AOPEP: variants seen among roughly 807,000 people sequenced by gnomAD.
The protein encoded by AOPEP is aminopeptidase O (putative), also known as aminopeptidase O.
Under a neutral mutation model 98.1 loss-of-function variants are expected in AOPEP, and 77 were observed. The observed-to-expected ratio is 0.78, with a 90% CI of 0.65 to 0.95. The LOEUF is 0.95. Ranked by LOEUF, AOPEP falls within the 40% of genes least tolerant of loss-of-function variation. AOPEP has a pLI of 0.00. For synonymous variants in AOPEP, 346 were observed against 365.3 expected (o/e 0.95, Z 0.60); for missense variants, 1,024 against 1,024.7 (o/e 1.00, Z 0.01).
intron 5 of AOPEP, among the ~76,000 whole-genome samples, chr9:94,834,004 G>T (rs1176697632): frequency 1.3e-5 from 2 of 152,076 alleles, no homozygotes; most frequent in Non-Finnish European, 2.9e-5. Context: ...TGCCCAGGTT[G>T]CCCAAGTTAC....
At chr9:95,101,911 T>C in the AOPEP span, 2 of 1,601,148 alleles carry the variant, frequency 1.2e-6, no homozygotes, top group Non-Finnish European at 1.7e-6. Context: ...TTGTCCTTTG[T>C]CCAGGGACGG....
intron 13 of AOPEP, among the ~76,000 whole-genome samples, chr9:95,052,670 C>T (rs1344150752): frequency 1.3e-5 from 2 of 152,128 alleles, no homozygotes; most frequent in African/African-American, 2.4e-5. Flanking sequence ...AATAATCCTA[C>T]ACAGACCATC....
chr9:95,076,868 T>G (rs2069129681), intron 14 of AOPEP, among the ~76,000 whole-genome samples: 1 of 152,252 alleles, frequency 6.6e-6, no homozygotes, highest in African/African-American at 2.4e-5. Context: ...TCCATTTGAT[T>G]GGGTCTAAAA....
the AOPEP span, among the ~76,000 whole-genome samples, chr9:95,133,621 G>A: frequency 6.6e-6 from 1 of 152,230 alleles, no homozygotes; most frequent in South Asian, 2.1e-4. Flanking sequence ...AAGGTTCAGG[G>A]AAGAATCCAA....
rs1202717942 is a variant in AOPEP, at chr9:95,021,415, C to T, written c.2115+15799C>T. Reference sequence around the variant, plus strand: ...AAATGAAAGGCTCTGGGAAAAGGCACCTGCCTTTCCCTGCCTTGAGGATCC... The same window carrying T: ...AAATGAAAGGCTCTGGGAAAAGGCATCTGCCTTTCCCTGCCTTGAGGATCC... On this transcript the variant is annotated intron_variant, in intron 13 of 16. Transcript: ENST00000375315. 4.6e-5 allele frequency among the ~76,000 whole-genome samples: 7 copies of T among 152,322 alleles called. No individual in the cohort carries two copies. The East Asian group carries it at 1.2e-3, about 25-fold the overall frequency.
At position 95,005,921 on chromosome 9, in the gene AOPEP, G is replaced by T. The variant is rs1485467395; in HGVS notation, c.2115+305G>T. 7 of 529,548 alleles carry T rather than the reference G, an allele frequency of 1.3e-5. No homozygotes were observed. The Admixed American group carries it at 1.9e-4, about 15-fold the overall frequency. The allele number at this position is 529,548 out of a possible 1,614,324, so 32.8% of individuals were successfully genotyped here. ...CAGTGTTTATTATCTCAGTGTTAAGGTACCTCTGAAAAATGAAAAGTGTTC... is the reference window on the plus strand; with the variant it reads ...CAGTGTTTATTATCTCAGTGTTAAGTTACCTCTGAAAAATGAAAAGTGTTC... On this transcript the variant is annotated intron_variant, in intron 13 of 16. Coordinates refer to ENST00000375315, the MANE Select transcript of AOPEP (RefSeq NM_001193329.3).
At chr9:94,966,411 G>A (rs756106288) in intron 9 of AOPEP, among the ~76,000 whole-genome samples, 12 of 152,220 alleles carry the variant, frequency 7.9e-5, no homozygotes, top group Non-Finnish European at 1.6e-4. Flanking sequence ...GTCTTGTGTG[G>A]AGTCTGTATT....
At chr9:95,094,588 C>CT in the AOPEP span, among the ~76,000 whole-genome samples, 1 of 152,188 alleles carries the variant, frequency 6.6e-6, no homozygotes, top group East Asian at 1.9e-4. Context: ...AATCTTTGTC[C>CT]TTTTATGTCT....
chr9:95,137,911 G>A, the AOPEP span, among the ~76,000 whole-genome samples: 1 of 152,268 alleles, frequency 6.6e-6, no homozygotes, highest in Non-Finnish European at 1.5e-5. Context: ...GAGAGGAGAG[G>A]AGTGGAGGTG....
At chr9:94,807,834 T>C (rs1849568245) in intron 5 of AOPEP, among the ~76,000 whole-genome samples, 2 of 152,214 alleles carry the variant, frequency 1.3e-5, no homozygotes, top group Non-Finnish European at 2.9e-5. Flanking sequence ...TAGATTTCTT[T>C]TAGGGAAAAC....
Position 94,841,194 on chromosome 9 carries a change from C to T in AOPEP, c.1364+40192C>T, listed in dbSNP as rs1199460699. Among the ~76,000 whole-genome samples, 14 of 139,518 alleles carry T rather than the reference C, an allele frequency of 1.0e-4. No homozygotes were observed. In the South Asian group the frequency reaches 1.1e-3, roughly 11 times the overall value. The allele number at this position is 139,518 out of a possible 152,430, so 91.5% of individuals were successfully genotyped here. On this transcript the variant is annotated intron_variant, in intron 5 of 16. Transcript: ENST00000375315. The stretch of plus-strand genomic sequence containing the variant: ...ATTTTTTTTTTTTTTTTTTTTGAGA[C>T]GGAGTCTCACTCTGTCGCCCAGGCT...
the AOPEP span, chr9:95,107,178 C>T: frequency 6.2e-7 from 1 of 1,614,188 alleles, no homozygotes; most frequent in Non-Finnish European, 8.5e-7. Flanking sequence ...TGTGTCTGTG[C>T]CCTGTCCTGC....
chr9:95,108,438 T>C, the AOPEP span, among the ~76,000 whole-genome samples: 2 of 152,208 alleles, frequency 1.3e-5, no homozygotes, highest in Non-Finnish European at 2.9e-5. Context: ...TTATATCTGT[T>C]TTTTCTCTTG....
At chr9:94,831,064 C>T (rs1357837508) in intron 5 of AOPEP, among the ~76,000 whole-genome samples, 2 of 152,012 alleles carry the variant, frequency 1.3e-5, no homozygotes, top group East Asian at 1.9e-4. Context: ...AATTAGATCC[C>T]GTATATCAGT....
intron 1 of AOPEP, among the ~76,000 whole-genome samples, chr9:94,730,729 C>T (rs1245437331): frequency 4.6e-5 from 7 of 152,116 alleles, no homozygotes; most frequent in African/African-American, 7.2e-5. Context: ...GTAACTCAGA[C>T]GTATTCAGAA....
At chr9:94,859,348 A>G (rs992981895) in intron 5 of AOPEP, among the ~76,000 whole-genome samples, 1 of 152,158 alleles carries the variant, frequency 6.6e-6, no homozygotes, top group African/African-American at 2.4e-5. Flanking sequence ...GTCATCTTCA[A>G]ATCTCTGTCG....
chr9:94,731,228 CTTG>C (rs1292324842), intron 1 of AOPEP, among the ~76,000 whole-genome samples: 1 of 151,546 alleles, frequency 6.6e-6, no homozygotes, highest in Non-Finnish European at 1.5e-5. Context: ...ACTTATCCAA[CTTG>C]TTTTTTTTTT....
the AOPEP span, among the ~76,000 whole-genome samples, chr9:95,124,141 G>T: frequency 6.8e-6 from 1 of 146,336 alleles, no homozygotes. Flanking sequence ...TAGAAATATC[G>T]GCTAAAACCT....
intron 3 of AOPEP, among the ~76,000 whole-genome samples, chr9:94,779,683 T>C (rs1842878135): frequency 6.6e-6 from 1 of 151,308 alleles, no homozygotes; most frequent in African/African-American, 2.4e-5. Context: ...GATATAAATA[T>C]ATAAATATAA....
Sources: gnomAD v4.1 joint callset for allele counts (sites outside exome capture counted in the v4.1 genomes callset) on GRCh38, gnomAD v4.1.1 for gene constraint, MANE v1.5 for transcripts, NCBI Gene and HGNC (gene_info 2026-07-23, HGNC 2026-07-21) for gene names.